Variants in ATP6V1C2 observed in about 807,000 individuals in gnomAD.
ATP6V1C2 encodes ATPase H+ transporting V1 subunit C2.
ATP6V1C2 carries 45 observed loss-of-function variants against 56.8 expected under a neutral mutation model. That is an observed-to-expected ratio of 0.79 (90% CI 0.62 to 1.02). The LOEUF is 1.02. Ranked by LOEUF, ATP6V1C2 falls within the 50% of genes least tolerant of loss-of-function variation. The pLI is 0.00. For synonymous variants in ATP6V1C2, 220 were observed against 201.3 expected (o/e 1.09, Z -0.79); for missense variants, 463 against 519.7 (o/e 0.89, Z 1.06).
chr2:10,774,153 C>A (rs540613137), intron 8 of ATP6V1C2, among the ~76,000 whole-genome samples: 1 of 152,234 alleles, frequency 6.6e-6, no homozygotes. Context: ...TGGAGTCTGG[C>A]GGCAGCCCCT....
intron 3 of ATP6V1C2, among the ~76,000 whole-genome samples, chr2:10,729,192 TCTCA>T (rs1661824746): frequency 7.1e-6 from 1 of 140,914 alleles, no homozygotes; most frequent in Non-Finnish European, 1.5e-5. Context: ...TGAGATAGAG[TCTCA>T]CTCTGTCACC....
At chr2:10,758,457 A>G (rs1216481758) in intron 4 of ATP6V1C2, among the ~76,000 whole-genome samples, 1 of 152,082 alleles carries the variant, frequency 6.6e-6, no homozygotes, top group Non-Finnish European at 1.5e-5. Flanking sequence ...GGTAAAGCAC[A>G]TTCTGAAGCC....
chr2:10,757,652 C>T (rs1428932917), intron 4 of ATP6V1C2, among the ~76,000 whole-genome samples: 1 of 152,222 alleles, frequency 6.6e-6, no homozygotes, highest in Non-Finnish European at 1.5e-5. Flanking sequence ...TTTGTCCTGT[C>T]ATCCCTGCCT....
chr2:10,772,421 C>T, intron 7 of ATP6V1C2, 121 bp from the exon 8 acceptor site: 1 of 850,384 alleles, frequency 1.2e-6, no homozygotes, highest in Non-Finnish European at 2.0e-6. Flanking sequence ...AGGGCTCCCT[C>T]TGACCCCATC....
At chr2:10,731,629 A>G (rs578100688) in intron 3 of ATP6V1C2, among the ~76,000 whole-genome samples, 2 of 152,356 alleles carry the variant, frequency 1.3e-5, no homozygotes, top group East Asian at 3.9e-4. Context: ...CCTGGGCAGC[A>G]GTGACAAACC....
chr2:10,726,438 G>A (rs1478762287), intron 2 of ATP6V1C2, 64 bp from the exon 3 acceptor site: 8 of 1,282,122 alleles, frequency 6.2e-6, no homozygotes, highest in Middle Eastern at 1.9e-4. Context: ...CTGCCGTGTT[G>A]TTGAGATGGC....
intron 3 of ATP6V1C2, among the ~76,000 whole-genome samples, chr2:10,728,870 G>T (rs1661798557): frequency 6.6e-6 from 1 of 151,428 alleles, no homozygotes; most frequent in Non-Finnish European, 1.5e-5. Flanking sequence ...CAGGCGTGGT[G>T]GCTCACACCT....
At chr2:10,750,185 A>G (rs1663130886) in intron 3 of ATP6V1C2, among the ~76,000 whole-genome samples, 2 of 152,316 alleles carry the variant, frequency 1.3e-5, no homozygotes, top group South Asian at 4.1e-4. Flanking sequence ...TTCTGGTGTC[A>G]TGTATATGCC....
chr2:10,742,339 A>T (rs548130997), intron 3 of ATP6V1C2, among the ~76,000 whole-genome samples: 2 of 152,296 alleles, frequency 1.3e-5, no homozygotes, highest in South Asian at 4.1e-4. Context: ...CAGAACCTGT[A>T]TCCACTACTC....
At chr2:10,779,404 C>T (rs577284305) in intron 12 of ATP6V1C2, among the ~76,000 whole-genome samples, 1 of 124,952 alleles carries the variant, frequency 8.0e-6, no homozygotes, top group Middle Eastern at 3.9e-3. Context: ...CCACCATGCC[C>T]GGCCTTTGCC....
In ATP6V1C2 at chr2:10,784,760, T is replaced by C; in HGVS notation, c.*1497T>C. On this transcript the variant is annotated 3_prime_UTR_variant, in exon 14 of 14. Transcript: ENST00000272238. ...AGAGTATCAAATGCCATGCAGCACTTAAACTTGTGATAAGGAAGATGAAGG... is the reference window on the plus strand; with the variant it reads ...AGAGTATCAAATGCCATGCAGCACTCAAACTTGTGATAAGGAAGATGAAGG... 1 of 578,744 alleles carries C rather than the reference T, an allele frequency of 1.7e-6. No individual in the cohort carries two copies. The highest frequency in any genetic ancestry group is 3.1e-6 in the Non-Finnish European group (1 of 326,574). The allele number at this position is 578,744 out of a possible 1,614,324, so 35.9% of individuals were successfully genotyped here.
intron 6 of ATP6V1C2, among the ~76,000 whole-genome samples, chr2:10,771,612 T>A (rs1006622190): frequency 3.1e-4 from 47 of 152,214 alleles, no homozygotes; most frequent in African/African-American, 1.0e-3. Flanking sequence ...AGCCTCCCTG[T>A]CCCTGGAGGG....
intron 1 of ATP6V1C2, among the ~76,000 whole-genome samples, chr2:10,721,983 G>A (rs1661391583): frequency 6.6e-6 from 1 of 152,208 alleles, no homozygotes; most frequent in Non-Finnish European, 1.5e-5. Flanking sequence ...AGAACAAAAT[G>A]CCCTCGGATT....
chr2:10,764,356 C>T lies in ATP6V1C2; in HGVS notation c.309C>T (p.His103=), dbSNP rs1664097071. The change falls in exon 5 of 14, where the codon CAC becomes CAT. Residue 103 remains histidine (H), a synonymous_variant. Coordinates refer to ENST00000272238, the MANE Select transcript of ATP6V1C2 (RefSeq NM_001039362.2). ...NGVDLTSFVT[H]FEWDMAKYPV... is the part of the protein sequence containing the mutation. The stretch of plus-strand genomic sequence containing the variant: ...TTGACTTAACATCCTTTGTGACCCA[C>T]TTTGAATGGGACATGGCCAAATATC... 1 of 1,613,896 alleles carries T rather than the reference C, an allele frequency of 6.2e-7. No homozygotes were observed. The highest frequency in any genetic ancestry group is 1.1e-5 in the South Asian group (1 of 91,088).
In ATP6V1C2 at chr2:10,746,466, G is replaced by T. The variant is rs542661132; in HGVS notation, c.198-7515G>T. Among the ~76,000 whole-genome samples, 47 of 145,938 alleles carry T rather than the reference G, an allele frequency of 3.2e-4. 1 individual carries two copies. In the East Asian group the frequency reaches 8.0e-3, roughly 25 times the overall value. ...CTCCCTCTGTCACCCATGCTGGAAT[G>T]CAGGGGCCCAATCTCAGTCCACTGC... is the stretch of plus-strand genomic sequence containing the variant. On this transcript the variant is annotated intron_variant, in intron 3 of 13. Coordinates refer to ENST00000272238, the MANE Select transcript of ATP6V1C2 (RefSeq NM_001039362.2).
chr2:10,728,962 C>CAAA lies in ATP6V1C2; in HGVS notation c.197+2410_197+2412dup, dbSNP rs1282538752. On this transcript the variant is annotated intron_variant, in intron 3 of 13. Transcript: ENST00000272238. ...GACCATCCTGGCCAACATGAAAATA[C>CAAA]AAAAAAAAAAAAAAAAAAATAGTTG... Among the ~76,000 whole-genome samples the CAAA allele has an allele frequency of 2.1e-3, 234 of 112,744 alleles. 3 individuals carry two copies. Among genetic ancestry groups the CAAA allele is most frequent in the Middle Eastern group, 5.2e-3 (1 of 194 alleles). The allele number at this position is 112,744 out of a possible 152,430, so 74.0% of individuals were successfully genotyped here.
chr2:10,734,084 T>C (rs955803686), intron 3 of ATP6V1C2, among the ~76,000 whole-genome samples: 6 of 152,200 alleles, frequency 3.9e-5, no homozygotes, highest in African/African-American at 1.4e-4. Flanking sequence ...CTATGTGGCA[T>C]TTCATGGGAT....
rs188986024 is a variant in ATP6V1C2 at position 10,771,197 on chromosome 2, G to A, written c.471-642G>A. Among the ~76,000 whole-genome samples, 122 of 152,338 alleles carry A rather than the reference G, an allele frequency of 8.0e-4. 1 individual carries two copies. The highest frequency in any genetic ancestry group is 1.5e-3 in the Non-Finnish European group (104 of 68,026). On this transcript the variant is annotated intron_variant, in intron 6 of 13. Coordinates refer to ENST00000272238, the MANE Select transcript of ATP6V1C2 (RefSeq NM_001039362.2). Reference sequence around the variant, plus strand: ...GCTCAACGCTGGAGAGCGATTTCCCGGGGAAGCACTGTGTGCCGACGTCAC... The same window carrying A: ...GCTCAACGCTGGAGAGCGATTTCCCAGGGAAGCACTGTGTGCCGACGTCAC...
intron 4 of ATP6V1C2, among the ~76,000 whole-genome samples, chr2:10,761,469 G>A (rs192299884): frequency 7.2e-5 from 11 of 152,162 alleles, no homozygotes; most frequent in African/African-American, 2.4e-4. Flanking sequence ...CTTCCACCCC[G>A]GGCCTGTACC....
Sources: allele counts gnomAD v4.1 joint callset (sites outside exome capture counted in the v4.1 genomes callset), GRCh38; gene constraint gnomAD v4.1.1; transcripts MANE v1.5; gene names NCBI Gene and HGNC (gene_info 2026-07-23, HGNC 2026-07-21).